COX10: variants seen among roughly 807,000 people sequenced by gnomAD.
COX10 encodes protoheme IX farnesyltransferase, mitochondrial.
COX10 carries 27 observed loss-of-function variants against 37.3 expected under a neutral mutation model. The ratio of observed to expected loss-of-function variants is 0.72; its 90% CI spans 0.53 to 1.00. The LOEUF (loss-of-function observed/expected upper bound fraction) is 1.00. Among genes scored for constraint, COX10 ranks in the 50% least tolerant of loss-of-function variants. The pLI is 0.00. For synonymous variants in COX10, 222 were observed against 229.1 expected, an observed-to-expected ratio of 0.97 and a Z score of 0.28; for missense variants, 475 against 563.2, an observed-to-expected ratio of 0.84 and a Z score of 1.59.
At chr17:14,158,650 A>G (rs1905105781) in intron 4 of COX10, among the ~76,000 whole-genome samples, 1 of 152,182 alleles carries the variant, frequency 6.6e-6, no homozygotes, top group South Asian at 2.1e-4. Flanking sequence ...TCTTGAAAAA[A>G]GGTTTCATGG....
intron 4 of COX10, among the ~76,000 whole-genome samples, chr17:14,139,704 G>A (rs1831189279): frequency 6.6e-6 from 1 of 152,092 alleles, no homozygotes; most frequent in South Asian, 2.1e-4. Context: ...CATATTTGAA[G>A]CCTTATACTT....
At chr17:14,144,671 C>T (rs1040264735) in intron 4 of COX10, among the ~76,000 whole-genome samples, 1 of 152,042 alleles carries the variant, frequency 6.6e-6, no homozygotes, top group African/African-American at 2.4e-5. Context: ...GAATTGTAGC[C>T]GTTGGCAGCT....
intron 5 of COX10, among the ~76,000 whole-genome samples, chr17:14,162,969 C>T (rs1428788046): frequency 6.6e-6 from 1 of 152,288 alleles, no homozygotes; most frequent in Non-Finnish European, 1.5e-5. Context: ...TTTAAAAATA[C>T]ATCATTTGCC....
At chr17:14,163,793 A>G (rs1905220105) in intron 5 of COX10, among the ~76,000 whole-genome samples, 1 of 152,218 alleles carries the variant, frequency 6.6e-6, no homozygotes, top group South Asian at 2.1e-4. Context: ...CTATCCCTGT[A>G]ATAATCTTTC....
intron 5 of COX10, among the ~76,000 whole-genome samples, chr17:14,180,560 C>T (rs1905827020): frequency 6.6e-6 from 1 of 152,162 alleles, no homozygotes; most frequent in Non-Finnish European, 1.5e-5. Flanking sequence ...GCGTTGTGAG[C>T]TGTGACAGTA....
At chr17:14,142,625 G>A (rs1423641481) in intron 4 of COX10, among the ~76,000 whole-genome samples, 1 of 152,006 alleles carries the variant, frequency 6.6e-6, no homozygotes, top group Non-Finnish European at 1.5e-5. Flanking sequence ...ATGAACCATT[G>A]AACTCTATTA....
chr17:14,113,553 A>G (rs1019359709), intron 4 of COX10, among the ~76,000 whole-genome samples: 2 of 152,170 alleles, frequency 1.3e-5, no homozygotes. Context: ...AGCATGAACT[A>G]TCTCAGCAGC....
At chr17:14,167,617 A>T (rs1905330717) in intron 5 of COX10, among the ~76,000 whole-genome samples, 1 of 152,216 alleles carries the variant, frequency 6.6e-6, no homozygotes, top group South Asian at 2.1e-4. Flanking sequence ...ATGGCTGAGG[A>T]GGCCTCAGGA....
rs1047324564 is a variant in COX10, at chr17:14,074,341, T to C, written c.62T>C (p.Val21Ala). Residue 21 changes from valine to alanine, a missense_variant, in exon 2 of 7, where the codon GTC becomes GCC. Around this residue, in one of 5 missense-constraint regions of COX10, gnomAD observed 242 missense variants for 242.5 expected, o/e 1.00. Coordinates refer to ENST00000261643, the MANE Select transcript of COX10 (RefSeq NM_001303.4). Reference protein sequence around the residue: ...RLLTGCVGGSVWYLERRTIQD... With the variant: ...RLLTGCVGGSAWYLERRTIQD... ...ATTATAGGTTGCGTAGGAGGCTCTGTCTGGTATCTTGAAAGAAGAACTATA... is the reference window on the plus strand; with the variant it reads ...ATTATAGGTTGCGTAGGAGGCTCTGCCTGGTATCTTGAAAGAAGAACTATA... The C allele has an allele frequency of 1.9e-5, 31 of 1,613,998 alleles. No individual in the cohort carries two copies. The highest frequency in any genetic ancestry group is 2.3e-5 in the Non-Finnish European group (27 of 1,179,986).
At position 14,162,044 on chromosome 17, in the gene COX10, A is replaced by G. The variant is rs73979175; in HGVS notation, c.695+2097A>G. ...TACAGCACAATGGAAGAGATCTGTG[A>G]TATTGTTCCCTCTAAAAAAAGACTA... On this transcript the variant is annotated intron_variant, in intron 5 of 6. Transcript: ENST00000261643. 8.4e-3 allele frequency among the ~76,000 whole-genome samples: 1,285 copies of G among 152,288 alleles called. 16 individuals carry two copies. Among genetic ancestry groups the G allele is most frequent in the Middle Eastern group, 0.037 (11 of 294 alleles).
chr17:14,186,496 C>T (rs1769000275), intron 5 of COX10, among the ~76,000 whole-genome samples: 1 of 151,840 alleles, frequency 6.6e-6, no homozygotes, highest in East Asian at 1.9e-4. Flanking sequence ...CTGTCCACCA[C>T]CCAGCATAAA....
At chr17:14,090,967 A>T (rs1915515072) in intron 3 of COX10, among the ~76,000 whole-genome samples, 1 of 152,204 alleles carries the variant, frequency 6.6e-6, no homozygotes, top group African/African-American at 2.4e-5. Flanking sequence ...TGGAGAAAAG[A>T]AGTGTAGCGA....
chr17:14,105,079 T>A (rs1915862334), intron 4 of COX10, among the ~76,000 whole-genome samples: 1 of 152,048 alleles, frequency 6.6e-6, no homozygotes, highest in Non-Finnish European at 1.5e-5. Flanking sequence ...TTTAAAAAGA[T>A]AAGAATTATC....
chr17:14,121,181 A>T (rs1466189923), intron 4 of COX10, among the ~76,000 whole-genome samples: 1 of 152,214 alleles, frequency 6.6e-6, no homozygotes, highest in Non-Finnish European at 1.5e-5. Flanking sequence ...TGCCTCAGCC[A>T]GATGTATTTC....
At chr17:14,163,840 C>G (rs1905221533) in intron 5 of COX10, among the ~76,000 whole-genome samples, 1 of 152,054 alleles carries the variant, frequency 6.6e-6, no homozygotes, top group African/African-American at 2.4e-5. Context: ...TTTTCTTTCT[C>G]TCTTTTCAGT....
chr17:14,146,527 C>T (rs1904725455), intron 4 of COX10, among the ~76,000 whole-genome samples: 1 of 152,002 alleles, frequency 6.6e-6, no homozygotes, highest in African/African-American at 2.4e-5. Flanking sequence ...AATCTAAGAC[C>T]TCAAACTAGT....
In COX10 at chr17:14,206,967, G is replaced by A. The variant is rs371258759; in HGVS notation, c.1086G>A (p.Leu362=). 1 of 1,613,930 alleles carries A rather than the reference G, an allele frequency of 6.2e-7. No individual in the cohort carries two copies. Among genetic ancestry groups the A allele is most frequent in the African/African-American group, 1.3e-5 (1 of 74,936 alleles). The part of the protein sequence containing the change: ...LCRRVALRHC[L]ALLVLSAAAP... ...GGCGCGTGGCGCTGCGCCACTGCCT[G>A]GCCCTGCTCGTGCTGTCCGCAGCAG... The change falls in exon 7 of 7, where the codon CTG becomes CTA. Residue 362 remains leucine (L), a synonymous_variant. Transcript: ENST00000261643.
intron 4 of COX10, among the ~76,000 whole-genome samples, chr17:14,109,271 C>T (rs953723771): frequency 6.6e-6 from 1 of 152,070 alleles, no homozygotes; most frequent in African/African-American, 2.4e-5. Flanking sequence ...TGAACAATGA[C>T]AGAAAGAAAA....
intron 5 of COX10, 127 bp downstream of exon 5, chr17:14,160,074 G>T: frequency 1.2e-6 from 1 of 803,080 alleles, no homozygotes; most frequent in Admixed American, 2.1e-5. Context: ...GAAACAAAGT[G>T]ATATGGAAAT....
Sources: gnomAD v4.1 joint callset for allele counts (sites outside exome capture counted in the v4.1 genomes callset) on GRCh38, gnomAD v4.1.1 for gene constraint, gnomAD v4.1.1 regional missense constraint, MANE v1.5 for transcripts, NCBI Gene and HGNC (gene_info 2026-07-23, HGNC 2026-07-21) for gene names.